The following PTK2 variants were observed in gnomAD, a reference collection of about 807,000 sequenced individuals.
The protein encoded by PTK2 is focal adhesion kinase 1.
A neutral mutation model predicts 150.1 loss-of-function variants in PTK2; 45 were observed. The ratio of observed to expected loss-of-function variants is 0.30; its 90% CI spans 0.24 to 0.38. The LOEUF (loss-of-function observed/expected upper bound fraction) is 0.38, where lower values mean the gene tolerates loss of function less well. Among genes scored for constraint, PTK2 ranks in the 10% least tolerant of loss-of-function variants. The pLI is 1.00. For synonymous variants in PTK2, 432 were observed against 449.2 expected (o/e 0.96, Z 0.48); for missense variants, 919 against 1,307.3 (o/e 0.70, Z 4.58).
Position 140,756,644 on chromosome 8 carries a change from T to C in PTK2, c.1333-4328A>G, listed in dbSNP as rs2100065943. On this transcript the variant is annotated intron_variant, in intron 16 of 31. Transcript: ENST00000522684. Reference sequence around the variant, plus strand: ...CCCGGGAGGTTGTGGTGAACTGAGATTGCACCATTGCACTCCAGCATGGGC... The same window carrying C: ...CCCGGGAGGTTGTGGTGAACTGAGACTGCACCATTGCACTCCAGCATGGGC... 2.1e-5 allele frequency among the ~76,000 whole-genome samples: 3 copies of C among 140,402 alleles called. No homozygotes were observed. In the South Asian group the frequency reaches 6.8e-4, roughly 32 times the overall value. The allele number at this position is 140,402 out of a possible 152,430, so 92.1% of individuals were successfully genotyped here.
intron 1 of PTK2, among the ~76,000 whole-genome samples, chr8:140,927,975 A>AAAAAAAATAT: frequency 2.1e-5 from 1 of 48,194 alleles, no homozygotes; most frequent in African/African-American, 9.8e-5. Context: ...AAAAAAAAAA[A>AAAAAAAATAT]ATATATATAT....
intron 29 of PTK2, among the ~76,000 whole-genome samples, chr8:140,670,535 A>G: frequency 7.1e-6 from 1 of 141,070 alleles, no homozygotes; most frequent in African/African-American, 2.9e-5. Context: ...ACACACACAC[A>G]CACATTGGGA....
At chr8:140,790,665 G>C (rs1030991695) in intron 13 of PTK2, among the ~76,000 whole-genome samples, 1 of 152,224 alleles carries the variant, frequency 6.6e-6, no homozygotes, top group African/African-American at 2.4e-5. Flanking sequence ...ATGTGAAACT[G>C]TATAATCTCT....
chr8:140,713,944 AGG>A (rs2100038132), intron 23 of PTK2, among the ~76,000 whole-genome samples: 2 of 152,086 alleles, frequency 1.3e-5, no homozygotes, highest in African/African-American at 4.8e-5. Context: ...TGGAATGCAA[AGG>A]TGCAAACATG....
At chr8:140,695,248 T>C (rs1390429847) in intron 26 of PTK2, among the ~76,000 whole-genome samples, 3 of 152,284 alleles carry the variant, frequency 2.0e-5, no homozygotes, top group African/African-American at 7.2e-5. Flanking sequence ...TCACCAAATC[T>C]TGTCCCTTTT....
chr8:140,999,096 T>C (rs2100198975), intron 1 of PTK2, among the ~76,000 whole-genome samples: 2 of 152,176 alleles, frequency 1.3e-5, no homozygotes, highest in African/African-American at 4.8e-5. Flanking sequence ...ATAATAAGGC[T>C]TTTTAAGTCC....
At chr8:140,944,662 G>T (rs2100177052) in intron 1 of PTK2, among the ~76,000 whole-genome samples, 1 of 152,208 alleles carries the variant, frequency 6.6e-6, no homozygotes, top group South Asian at 2.1e-4. Flanking sequence ...TGCAAATAAA[G>T]ACCAGAAGGA....
At chr8:140,890,431 GAA>G (rs1305420825) in intron 3 of PTK2, 110 bp downstream of exon 3, 2 of 854,552 alleles carry the variant, frequency 2.3e-6, no homozygotes, top group South Asian at 3.9e-5. Context: ...TCTGTAATAT[GAA>G]AAGTCCCCGA....
Position 140,818,371 on chromosome 8 carries a change from A to G in PTK2, c.790-17T>C, listed in dbSNP as rs747700860. Reference sequence around the variant, plus strand: ...CCAGCTTGACTTTTGAAGGTGAAACAAGTGAGAACAGAGGTGGCAGAAGGA... The same window carrying G: ...CCAGCTTGACTTTTGAAGGTGAAACGAGTGAGAACAGAGGTGGCAGAAGGA... On this transcript the variant is annotated splice_polypyrimidine_tract_variant and intron_variant, in intron 9 of 31. Coordinates refer to ENST00000522684, the Ensembl canonical transcript of PTK2. 2.4e-5 allele frequency: 39 copies of G among 1,602,706 alleles called. No homozygotes were observed. In the South Asian group the frequency reaches 4.2e-4, roughly 17 times the overall value.
At chr8:140,730,143 G>T (rs2100048355) in intron 22 of PTK2, among the ~76,000 whole-genome samples, 1 of 142,630 alleles carries the variant, frequency 7.0e-6, no homozygotes, top group East Asian at 2.1e-4. Flanking sequence ...TCAAAATCAT[G>T]GACTGCTTTC....
At chr8:140,923,464 AAG>A (rs1317098443) in intron 2 of PTK2, among the ~76,000 whole-genome samples, 1 of 152,266 alleles carries the variant, frequency 6.6e-6, no homozygotes. Flanking sequence ...CCCAAGGTCA[AAG>A]AGCTGCAAAA....
chr8:140,701,153 G>C lies in PTK2; in HGVS notation c.2368-131C>G, dbSNP rs566628530. ...TGAGAAACAGGATCTCTCATACTGTGCTTGTGGGAATAACTTTTCTGTAGG... is the reference window on the plus strand; with the variant it reads ...TGAGAAACAGGATCTCTCATACTGTCCTTGTGGGAATAACTTTTCTGTAGG... On this transcript the variant is annotated intron_variant, in intron 25 of 31. Coordinates refer to ENST00000522684, the Ensembl canonical transcript of PTK2. The C allele has an allele frequency of 2.2e-5, 23 of 1,044,300 alleles. No homozygotes were observed. The South Asian group carries it at 4.8e-4, about 22-fold the overall frequency. 64.7% of individuals were successfully genotyped at this position (1,044,300 alleles called of 1,614,324 possible). A position where few individuals can be genotyped will look rare whatever the true frequency, so the allele number is the denominator to read the frequency against.
chr8:140,803,523 T>A lies in PTK2; in HGVS notation c.975+20A>T. 1 of 1,573,156 alleles carries A rather than the reference T, an allele frequency of 6.4e-7. No homozygotes were observed. The highest frequency in any genetic ancestry group is 8.7e-7 in the Non-Finnish European group (1 of 1,142,870). ...CTATTTAACCATTTTCCCTTAATGA[T>A]GAACGTAACAGTTCCTTACCTCGGG... On this transcript the variant is annotated intron_variant, in intron 11 of 31. Coordinates refer to ENST00000522684, the Ensembl canonical transcript of PTK2.
rs6981832 is a variant in PTK2, at chr8:140,895,640, G to A, written c.-32-4871C>T. On this transcript the variant is annotated intron_variant, in intron 2 of 31. Coordinates refer to ENST00000522684, the Ensembl canonical transcript of PTK2. ...GTTAATGCACAGAAAAATAGAATGC[G>A]TAAGAGCTAGTATTTGGTAGCACAA... is the stretch of plus-strand genomic sequence containing the variant. Among the ~76,000 whole-genome samples the A allele has an allele frequency of 3.6e-3, 550 of 152,136 alleles. 4 individuals are homozygous for A. Among genetic ancestry groups the A allele is most frequent in the African/African-American group, 0.012 (518 of 41,478 alleles).
At chr8:140,672,689 G>C (rs2100011289) in intron 29 of PTK2, among the ~76,000 whole-genome samples, 1 of 152,214 alleles carries the variant, frequency 6.6e-6, no homozygotes. Flanking sequence ...CTAAGCTGCA[G>C]GCTATCCCTC....
intron 1 of PTK2, among the ~76,000 whole-genome samples, chr8:140,977,110 C>A (rs2100189530): frequency 6.6e-6 from 1 of 152,132 alleles, no homozygotes; most frequent in Non-Finnish European, 1.5e-5. Flanking sequence ...GCTTTATGGG[C>A]CAGGTGTGGT....
At chr8:140,983,696 AGGAAGGAG>A (rs201527848) in intron 1 of PTK2, 3,541 of 130,702 alleles carry the variant, frequency 0.027, 160 homozygotes, top group Admixed American at 0.14. Flanking sequence ...GAAGGAAAGG[AGGAAGGAG>A]GGAAGGAGGG....
chr8:140,891,627 C>A (rs1160483890), intron 2 of PTK2, among the ~76,000 whole-genome samples: 1 of 152,148 alleles, frequency 6.6e-6, no homozygotes, highest in Non-Finnish European at 1.5e-5. Flanking sequence ...GGGAGAGAAA[C>A]CAGCAGAGCT....
At chr8:140,763,543 G>A (rs756028934) in intron 15 of PTK2, among the ~76,000 whole-genome samples, 1 of 151,820 alleles carries the variant, frequency 6.6e-6, no homozygotes, top group Non-Finnish European at 1.5e-5. Flanking sequence ...AATTTCAAGA[G>A]TTTATCTAAT....
Sources: gnomAD v4.1 joint callset for allele counts (sites outside exome capture counted in the v4.1 genomes callset) on GRCh38, gnomAD v4.1.1 for gene constraint, MANE v1.5 for transcripts, NCBI Gene and HGNC (gene_info 2026-07-23, HGNC 2026-07-21) for gene names.